The following NCKAP1L variants were observed in gnomAD, a reference collection of about 807,000 sequenced individuals.
The protein encoded by NCKAP1L is NCK associated protein 1 like.
Under a neutral mutation model 139.2 loss-of-function variants are expected in NCKAP1L, and 53 were observed. The ratio of observed to expected loss-of-function variants is 0.38; its 90% CI spans 0.31 to 0.48. The LOEUF (loss-of-function observed/expected upper bound fraction) is 0.48. Among genes scored for constraint, NCKAP1L ranks in the 20% least tolerant of loss-of-function variants. The pLI is 0.98. For synonymous variants in NCKAP1L, 468 were observed against 499.7 expected, an observed-to-expected ratio of 0.94 and a Z score of 0.85; for missense variants, 1,151 against 1,381.9, an observed-to-expected ratio of 0.83 and a Z score of 2.65.
At chr12:54,513,524 G>T (rs1308479820) in intron 9 of NCKAP1L, among the ~76,000 whole-genome samples, 1 of 152,164 alleles carries the variant, frequency 6.6e-6, no homozygotes, top group Non-Finnish European at 1.5e-5. Context: ...AAGGGCCAGA[G>T]AAATCAGTGG....
chr12:54,537,221 A>G (rs1005036993), intron 29 of NCKAP1L, among the ~76,000 whole-genome samples, 168 bp downstream of exon 29: 1 of 152,206 alleles, frequency 6.6e-6, no homozygotes, highest in Non-Finnish European at 1.5e-5. Flanking sequence ...GTTTCTTCTA[A>G]ATTTCCTAAC....
rs1957176492 is a variant in NCKAP1L at position 54,543,593 on chromosome 12, A to G, written c.*908A>G. ...CCTGGGTATAGCTGTTGCTCCAGGAAGGGATTTCTCTTCTGGATCTTAAAT... is the reference window on the plus strand; with the variant it reads ...CCTGGGTATAGCTGTTGCTCCAGGAGGGGATTTCTCTTCTGGATCTTAAAT... On this transcript the variant is annotated 3_prime_UTR_variant, in exon 31 of 31. Coordinates refer to ENST00000293373, the MANE Select transcript of NCKAP1L (RefSeq NM_005337.5). 2 of 152,190 alleles carry G rather than the reference A, an allele frequency of 1.3e-5. No individual in the cohort carries two copies. Among genetic ancestry groups the G allele is most frequent in the African/African-American group, 4.8e-5 (2 of 41,434 alleles). The allele number at this position is 152,190 out of a possible 1,614,324, so 9.4% of individuals were successfully genotyped here. A position where few individuals can be genotyped will look rare whatever the true frequency, so the allele number is the denominator to read the frequency against.
At chr12:54,516,087 G>C in intron 9 of NCKAP1L, 152 bp from the exon 10 acceptor site, 1 of 667,110 alleles carries the variant, frequency 1.5e-6, no homozygotes, top group Non-Finnish European at 2.7e-6. Flanking sequence ...TAATAGGCTA[G>C]GGTGAGAAGT....
chr12:54,535,214 G>A lies in NCKAP1L; in HGVS notation c.2956+17G>A. The A allele has an allele frequency of 1.2e-6, 2 of 1,604,362 alleles. No homozygotes were observed. Among genetic ancestry groups the A allele is most frequent in the African/African-American group, 1.3e-5 (1 of 74,732 alleles). On this transcript the variant is annotated intron_variant, in intron 27 of 30. Transcript: ENST00000293373. Reference sequence around the variant, plus strand: ...TGAAAGCTGGTAAGATTGGGGAAAGGGGGCGAGATTTGGGAAAGGAGGGCT... The same window carrying A: ...TGAAAGCTGGTAAGATTGGGGAAAGAGGGCGAGATTTGGGAAAGGAGGGCT...
At chr12:54,509,814 T>G in intron 6 of NCKAP1L, 34 bp from the exon 7 acceptor site, 1 of 1,614,186 alleles carries the variant, frequency 6.2e-7, no homozygotes, top group Non-Finnish European at 8.5e-7. Flanking sequence ...GTCCTCATGA[T>G]TGCCGCTAAG....
chr12:54,514,439 A>G (rs1453605610), intron 9 of NCKAP1L, among the ~76,000 whole-genome samples: 1 of 151,636 alleles, frequency 6.6e-6, no homozygotes. Flanking sequence ...CTCCTGTTTC[A>G]GCCTCCCAAG....
intron 26 of NCKAP1L, among the ~76,000 whole-genome samples, chr12:54,532,901 G>C (rs1957084239): frequency 6.6e-6 from 1 of 152,202 alleles, no homozygotes; most frequent in Non-Finnish European, 1.5e-5. Context: ...CTAGAGCCTA[G>C]GAATAGAATC....
intron 25 of NCKAP1L, 83 bp from the exon 26 acceptor site, chr12:54,532,087 C>T: frequency 6.8e-6 from 6 of 878,550 alleles, no homozygotes; most frequent in Admixed American, 6.1e-5. Flanking sequence ...AGTGCCCCTC[C>T]TTTTTTTTTT....
chr12:54,533,314 G>A (rs1957087953), intron 26 of NCKAP1L, among the ~76,000 whole-genome samples: 1 of 152,196 alleles, frequency 6.6e-6, no homozygotes, highest in Non-Finnish European at 1.5e-5. Context: ...AGAGAGGGAG[G>A]ATGGCCTGTC....
In NCKAP1L at chr12:54,544,622, C is replaced by A. The variant is rs1957185235; in HGVS notation, c.*1937C>A. ...TCCCCAGTTTTGCTTATGTTCATTTCTCTCTGTGTGTGCACGTGTGTGTGT... is the reference window on the plus strand; with the variant it reads ...TCCCCAGTTTTGCTTATGTTCATTTATCTCTGTGTGTGCACGTGTGTGTGT... On this transcript the variant is annotated 3_prime_UTR_variant, in exon 31 of 31. Transcript: ENST00000293373. The A allele has an allele frequency of 1.3e-5, 2 of 152,148 alleles. 1 individual carries two copies. Among genetic ancestry groups the A allele is most frequent in the Admixed American group, 1.3e-4 (2 of 15,282 alleles). The allele number at this position is 152,148 out of a possible 1,614,324, so 9.4% of individuals were successfully genotyped here. A position where few individuals can be genotyped will look rare whatever the true frequency, so the allele number is the denominator to read the frequency against.
rs1330177651 is a variant in NCKAP1L at position 54,547,245 on chromosome 12, C to T, written c.*4560C>T. The T allele has an allele frequency of 6.6e-6, 1 of 152,068 alleles. No individual in the cohort carries two copies. The allele number at this position is 152,068 out of a possible 1,614,324, so 9.4% of individuals were successfully genotyped here. A position where few individuals can be genotyped will look rare whatever the true frequency, so the allele number is the denominator to read the frequency against. On this transcript the variant is annotated 3_prime_UTR_variant, in exon 31 of 31. Coordinates refer to ENST00000293373, the MANE Select transcript of NCKAP1L (RefSeq NM_005337.5). ...TGCAACAAGAGGAATGAGGTTGAGACTAAACACCAGGACTGGTGACTAAAG... is the reference window on the plus strand; with the variant it reads ...TGCAACAAGAGGAATGAGGTTGAGATTAAACACCAGGACTGGTGACTAAAG...
intron 3 of NCKAP1L, among the ~76,000 whole-genome samples, chr12:54,505,561 C>T (rs1333648320): frequency 6.6e-6 from 1 of 151,562 alleles, no homozygotes; most frequent in Non-Finnish European, 1.5e-5. Flanking sequence ...TAAAGGGAAA[C>T]TATACAGCAT....
Position 54,504,743 on chromosome 12 carries a change from C to G in NCKAP1L, c.307-3110C>G, listed in dbSNP as rs113303313. Among the ~76,000 whole-genome samples, 380 of 152,290 alleles carry G rather than the reference C, an allele frequency of 2.5e-3. 2 individuals carry two copies. Among genetic ancestry groups the G allele is most frequent in the African/African-American group, 8.5e-3 (353 of 41,540 alleles). The stretch of plus-strand genomic sequence containing the variant: ...ACTCTTTAAATTCCAGTTTCCTTAT[C>G]TATAAAATGAGGAAATAAGATTTAC... On this transcript the variant is annotated intron_variant, in intron 3 of 30. Transcript: ENST00000293373.
rs2270582 is a variant in NCKAP1L at position 54,517,122 on chromosome 12, T to G, written c.1095+130T>G. On this transcript the variant is annotated intron_variant, in intron 11 of 30. Coordinates refer to ENST00000293373, the MANE Select transcript of NCKAP1L (RefSeq NM_005337.5). ...TTTGTATGTATATATGCGATTCCCT[T>G]GAACATTCTTGGAGTATCCCAAAAC... 8.0e-3 allele frequency: 5,832 copies of G among 730,400 alleles called. 275 individuals are homozygous for G. In the East Asian group the frequency reaches 0.094, roughly 12 times the overall value. 45.2% of individuals were successfully genotyped at this position (730,400 alleles called of 1,614,324 possible). A position where few individuals can be genotyped will look rare whatever the true frequency, so the allele number is the denominator to read the frequency against.
In NCKAP1L at chr12:54,520,735, T is replaced by C; in HGVS notation, c.1667T>C (p.Leu556Ser). The C allele has an allele frequency of 6.2e-7, 1 of 1,614,196 alleles. No homozygotes were observed. Among genetic ancestry groups the C allele is most frequent in the Non-Finnish European group, 8.5e-7 (1 of 1,180,034 alleles). Reference protein sequence around the residue: ...RIFEKMFAMTLEESAMLRYAI... With the variant: ...RIFEKMFAMTSEESAMLRYAI... ...TTTGAGAAGATGTTTGCCATGACCT[T>C]GGAGGAATCTGCCATGTTGCGTTAT... The change falls in exon 17 of 31, where the codon TTG becomes TCG. Residue 556 changes from leucine to serine, a missense_variant. Physicochemically the swap from Leu to Ser is moderately radical, Grantham distance 145. Coordinates refer to ENST00000293373, the MANE Select transcript of NCKAP1L (RefSeq NM_005337.5).
At chr12:54,542,087 C>G (rs563101442) in intron 30 of NCKAP1L, among the ~76,000 whole-genome samples, 87 of 152,258 alleles carry the variant, frequency 5.7e-4, no homozygotes, top group African/African-American at 2.0e-3. Context: ...GGCATCCTTA[C>G]TGTTCCCCAA....
At chr12:54,499,528 C>T (rs1956779946) in intron 2 of NCKAP1L, 63 bp downstream of exon 2, 1 of 1,003,040 alleles carries the variant, frequency 1.0e-6, no homozygotes, top group African/African-American at 1.6e-5. Context: ...CTGAAATTCT[C>T]CTCTTTTGAT....
At chr12:54,541,214 G>A (rs564436550) in intron 30 of NCKAP1L, among the ~76,000 whole-genome samples, 2 of 152,288 alleles carry the variant, frequency 1.3e-5, no homozygotes, top group African/African-American at 4.8e-5. Flanking sequence ...ATAAAGATGA[G>A]GAAACTGAAG....
Position 54,509,749 on chromosome 12 carries a change from C to T in NCKAP1L, c.587C>T (p.Pro196Leu). The part of the protein sequence containing the change: ...PLKKLTEEFG[P>L]HTKAVSGALL... ...AAGAAGCTGACAGAAGAGTTTGGGC[C>T]TCACACAAAGGCAAGTTCCCTGACA... is the stretch of plus-strand genomic sequence containing the variant. Residue 196 changes from proline to leucine, a missense_variant, in exon 6 of 31, where the codon CCT becomes CTT. By Grantham distance (98) the Pro-to-Leu change is moderately conservative. Coordinates refer to ENST00000293373, the MANE Select transcript of NCKAP1L (RefSeq NM_005337.5). 1 of 1,614,194 alleles carries T rather than the reference C, an allele frequency of 6.2e-7. No individual in the cohort carries two copies. Among genetic ancestry groups the T allele is most frequent in the Non-Finnish European group, 8.5e-7 (1 of 1,180,030 alleles).
Sources: gnomAD v4.1 joint callset for allele counts (sites outside exome capture counted in the v4.1 genomes callset) on GRCh38, gnomAD v4.1.1 for gene constraint, MANE v1.5 for transcripts, NCBI Gene and HGNC (gene_info 2026-07-23, HGNC 2026-07-21) for gene names.